Variants in PDE11A observed in about 807,000 individuals in gnomAD.
PDE11A encodes dual 3',5'-cyclic-AMP and -GMP phosphodiesterase 11A.
A neutral mutation model predicts 100.5 loss-of-function variants in PDE11A; 100 were observed. The observed-to-expected ratio is 1.00, with a 90% confidence interval of 0.85 to 1.18. The LOEUF (loss-of-function observed/expected upper bound fraction) is 1.18. Ranked by LOEUF, PDE11A falls within the 50% of genes most tolerant of loss-of-function variation. PDE11A has a pLI of 0.00. For missense variants in PDE11A, 1,141 were observed against 1,152.6 expected (o/e 0.99, Z 0.15); for synonymous variants, 381 against 420.8 (o/e 0.91, Z 1.16).
intron 19 of PDE11A, among the ~76,000 whole-genome samples, chr2:177,632,541 C>A (rs1986843): frequency 0.027 from 4,048 of 152,218 alleles, 97 homozygotes; most frequent in South Asian, 0.071. Flanking sequence ...CCTCCCCAAC[C>A]CTTTAGACTT....
rs544576080 is a variant in PDE11A, at chr2:177,960,554, A to C, written c.1071+53748T>G. Among the ~76,000 whole-genome samples, 18 of 152,246 alleles carry C rather than the reference A, an allele frequency of 1.2e-4. No individual in the cohort carries two copies. The South Asian group carries it at 2.1e-3, about 18-fold the overall frequency. On this transcript the variant is annotated intron_variant, in intron 2 of 19. Coordinates refer to ENST00000286063, the MANE Select transcript of PDE11A (RefSeq NM_016953.4). Reference sequence around the variant, plus strand: ...GAGAACTACTCCCAGGTTGCTAAAAATGCCCAGGCTGCCCACACGAGAGAA... The same window carrying C: ...GAGAACTACTCCCAGGTTGCTAAAACTGCCCAGGCTGCCCACACGAGAGAA...
rs368140801 is a variant in PDE11A, at chr2:177,905,589, G to C, written c.1072-402C>G. ...ACATTTGGAGGTAGGCAGGATATAA[G>C]TCAATTCTTTCGTTGGCATATGGCA... On this transcript the variant is annotated intron_variant, in intron 2 of 19. Coordinates refer to ENST00000286063, the MANE Select transcript of PDE11A (RefSeq NM_016953.4). Among the ~76,000 whole-genome samples the C allele has an allele frequency of 2.6e-5, 4 of 152,280 alleles. No individual in the cohort carries two copies. The East Asian group carries it at 7.8e-4, about 30-fold the overall frequency.
chr2:177,875,168 G>A (rs1415286468), intron 5 of PDE11A, among the ~76,000 whole-genome samples: 1 of 151,942 alleles, frequency 6.6e-6, no homozygotes, highest in African/African-American at 2.4e-5. Flanking sequence ...AGGCTGCAGT[G>A]AGCCAAGATT....
At position 178,080,713 on chromosome 2, in the gene PDE11A, T is replaced by C. The variant is rs567999927; in HGVS notation, c.162+23589A>G. ...TTTATAAAATTAGAATATAAATGCC[T>C]TATCATTTAAAAGACAGTTTCCATT... On this transcript the variant is annotated intron_variant, in intron 2 of 20. Transcript: ENST00000358450. 7.2e-4 allele frequency among the ~76,000 whole-genome samples: 109 copies of C among 152,292 alleles called. 1 individual carries two copies. The highest frequency in any genetic ancestry group is 2.6e-3 in the African/African-American group (107 of 41,578).
chr2:177,691,828 C>T (rs905583964), intron 15 of PDE11A, among the ~76,000 whole-genome samples: 2 of 152,096 alleles, frequency 1.3e-5, no homozygotes, highest in Non-Finnish European at 2.9e-5. Context: ...GACTAGCTAC[C>T]TCACCCACTA....
chr2:178,056,296 A>T (rs775568951), intron 1 of PDE11A, among the ~76,000 whole-genome samples: 5 of 152,220 alleles, frequency 3.3e-5, no homozygotes, highest in South Asian at 2.1e-4. Flanking sequence ...GACATTCACC[A>T]TCAGGAACTT....
chr2:178,045,160 A>C (rs1251488105), intron 1 of PDE11A, among the ~76,000 whole-genome samples: 1 of 152,128 alleles, frequency 6.6e-6, no homozygotes, highest in East Asian at 1.9e-4. Context: ...TCAGAGACAA[A>C]TTGTACATCT....
At chr2:178,105,690 G>GAATGTGGA (rs2087609787) in intron 1 of PDE11A, 1 of 907,960 alleles carries the variant, frequency 1.1e-6, no homozygotes, top group East Asian at 3.1e-5. Flanking sequence ...TGAAGGCCCT[G>GAATGTGGA]AATGTGGAAC....
chr2:177,638,435 A>T (rs780092067), intron 19 of PDE11A, among the ~76,000 whole-genome samples: 16 of 151,976 alleles, frequency 1.1e-4, no homozygotes, highest in Non-Finnish European at 2.2e-4. Context: ...TATAATAACT[A>T]TCTTAATGTC....
intron 4 of PDE11A, among the ~76,000 whole-genome samples, chr2:177,890,469 C>T (rs1490292690): frequency 6.6e-6 from 1 of 152,218 alleles, no homozygotes; most frequent in Non-Finnish European, 1.5e-5. Flanking sequence ...AGTAACCTCA[C>T]TCAGCCTTTT....
At chr2:177,748,023 G>A (rs1223512878) in intron 10 of PDE11A, among the ~76,000 whole-genome samples, 1 of 152,052 alleles carries the variant, frequency 6.6e-6, no homozygotes, top group East Asian at 1.9e-4. Context: ...GGCAGAATTT[G>A]CCAACATTCA....
At chr2:177,965,149 T>A (rs960364031) in intron 2 of PDE11A, among the ~76,000 whole-genome samples, 1 of 152,262 alleles carries the variant, frequency 6.6e-6, no homozygotes, top group Non-Finnish European at 1.5e-5. Context: ...ACATGCTTGC[T>A]GGCCGTATGT....
chr2:177,629,079 C>A lies in PDE11A; in HGVS notation c.*328G>T, dbSNP rs751420690. On this transcript the variant is annotated 3_prime_UTR_variant, in exon 20 of 20. Coordinates refer to ENST00000286063, the MANE Select transcript of PDE11A (RefSeq NM_016953.4). ...AATGACGCTTTTACTGTTCAGTGTTCCCTCAGCTCAGAGTAAGTAGGCCGA... is the reference window on the plus strand; with the variant it reads ...AATGACGCTTTTACTGTTCAGTGTTACCTCAGCTCAGAGTAAGTAGGCCGA... 11 of 390,636 alleles carry A rather than the reference C, an allele frequency of 2.8e-5. No homozygotes were observed. Among genetic ancestry groups the A allele is most frequent in the Non-Finnish European group, 4.8e-5 (10 of 206,978 alleles). The allele number at this position is 390,636 out of a possible 1,614,324, so 24.2% of individuals were successfully genotyped here.
At chr2:177,799,735 G>T (rs535949957) in intron 9 of PDE11A, among the ~76,000 whole-genome samples, 1 of 152,296 alleles carries the variant, frequency 6.6e-6, no homozygotes, top group East Asian at 1.9e-4. Context: ...TCTGAAAGCA[G>T]TCTCCAGAGG....
intron 19 of PDE11A, among the ~76,000 whole-genome samples, chr2:177,630,379 G>T (rs933271200): frequency 6.6e-6 from 1 of 152,152 alleles, no homozygotes; most frequent in Non-Finnish European, 1.5e-5. Flanking sequence ...GTTGCCCCTG[G>T]TAGTGGAATG....
At chr2:178,097,603 C>T (rs1559070939) in intron 2 of PDE11A, among the ~76,000 whole-genome samples, 1 of 152,058 alleles carries the variant, frequency 6.6e-6, no homozygotes, top group Non-Finnish European at 1.5e-5. Context: ...TGGATGGGGA[C>T]ACAGAGCCAA....
At chr2:177,957,985 C>T (rs1348708088) in intron 2 of PDE11A, among the ~76,000 whole-genome samples, 1 of 142,012 alleles carries the variant, frequency 7.0e-6, no homozygotes, top group Non-Finnish European at 1.5e-5. Context: ...ACTGCAACCT[C>T]CCCTCCCAGG....
rs62183007 is a variant in PDE11A at position 177,727,538 on chromosome 2, G to A, written c.2043+120C>T. 71 of 746,988 alleles carry A rather than the reference G, an allele frequency of 9.5e-5. No individual in the cohort carries two copies. The South Asian group carries it at 1.0e-3, about 11-fold the overall frequency. The allele number at this position is 746,988 out of a possible 1,614,324, so 46.3% of individuals were successfully genotyped here. A position where few individuals can be genotyped will look rare whatever the true frequency, so the allele number is the denominator to read the frequency against. On this transcript the variant is annotated intron_variant, in intron 12 of 19. Coordinates refer to ENST00000286063, the MANE Select transcript of PDE11A (RefSeq NM_016953.4). ...ATATATACTTTCATAACCAGGGTAG[G>A]TAAGTTCCAACATAAAATGATCACA...
At chr2:178,095,333 A>G (rs898274331) in intron 2 of PDE11A, among the ~76,000 whole-genome samples, 1 of 152,220 alleles carries the variant, frequency 6.6e-6, no homozygotes, top group Non-Finnish European at 1.5e-5. Flanking sequence ...GCAAGTCCGA[A>G]ATCCAGCACG....
Sources: allele counts gnomAD v4.1 joint callset (sites outside exome capture counted in the v4.1 genomes callset), GRCh38; gene constraint gnomAD v4.1.1; transcripts MANE v1.5; gene names NCBI Gene and HGNC (gene_info 2026-07-23, HGNC 2026-07-21).